Variants in NDRG2 observed in about 807,000 individuals in gnomAD.
NDRG2 encodes protein NDRG2.
A neutral mutation model predicts 58.2 loss-of-function variants in NDRG2; 34 were observed. The ratio of observed to expected loss-of-function variants is 0.58; its 90% CI spans 0.44 to 0.78. The LOEUF is 0.78. Ranked by LOEUF, NDRG2 falls within the 30% of genes least tolerant of loss-of-function variation. The pLI is 0.00. For missense variants in NDRG2, 434 were observed against 471.2 expected, an observed-to-expected ratio of 0.92 and a Z score of 0.73; for synonymous variants, 187 against 175.9, an observed-to-expected ratio of 1.06 and a Z score of -0.50.
At chr14:21,023,163 C>G (rs1243450) in intron 2 of NDRG2, 78 bp downstream of exon 2, 149,178 of 1,222,966 alleles carry the variant, frequency 0.12, 12,533 homozygotes, top group East Asian at 0.43. Context: ...AAGATCAGTA[C>G]GCTTGGGAAG....
intron 1 of NDRG2, among the ~76,000 whole-genome samples, chr14:21,031,619 A>G (rs903545477): frequency 1.3e-5 from 2 of 152,132 alleles, no homozygotes; most frequent in African/African-American, 2.4e-5. Flanking sequence ...GCAGCAGCCT[A>G]GTCAGAATAA....
At position 21,017,464 on chromosome 14, in the gene NDRG2, G is replaced by T; in HGVS notation, c.*132C>A. The T allele has an allele frequency of 2.9e-6, 3 of 1,027,290 alleles. No homozygotes were observed. Among genetic ancestry groups the T allele is most frequent in the South Asian group, 1.7e-5 (1 of 59,434 alleles). The allele number at this position is 1,027,290 out of a possible 1,614,324, so 63.6% of individuals were successfully genotyped here. On this transcript the variant is annotated 3_prime_UTR_variant, in exon 16 of 16. Coordinates refer to ENST00000556147, the MANE Select transcript of NDRG2 (RefSeq NM_001320329.2). Reference sequence around the variant, plus strand: ...GGTCAAGGTTAGGGTAGCAATCAAAGATCAAGGTCATCTCCCCGCATGATC... The same window carrying T: ...GGTCAAGGTTAGGGTAGCAATCAAATATCAAGGTCATCTCCCCGCATGATC...
At chr14:21,045,008 G>C (rs1885082867) in intron 1 of NDRG2, among the ~76,000 whole-genome samples, 1 of 152,202 alleles carries the variant, frequency 6.6e-6, no homozygotes, top group Non-Finnish European at 1.5e-5. Flanking sequence ...TGCCAAATAG[G>C]ATTCCAGGTA....
intron 1 of NDRG2, chr14:21,030,926 G>T: frequency 6.5e-7 from 1 of 1,539,122 alleles, no homozygotes; most frequent in Non-Finnish European, 8.8e-7. Flanking sequence ...GACAAAAGAG[G>T]CCAAATCTGA....
chr14:21,056,689 C>T (rs1248019564), intron 1 of NDRG2, among the ~76,000 whole-genome samples: 1 of 152,248 alleles, frequency 6.6e-6, no homozygotes, highest in Admixed American at 6.5e-5. Flanking sequence ...ATGGGAAACT[C>T]TTTCCTCTTT....
At position 21,022,999 on chromosome 14, in the gene NDRG2, G is replaced by A. The variant is rs1045324337; in HGVS notation, c.76-94C>T. On this transcript the variant is annotated intron_variant, in intron 2 of 15. Transcript: ENST00000556147. Reference sequence around the variant, plus strand: ...AGACAAAGAGAGGCAAGTAAAGACAGACCAACAAATGACCAAAGACAGAAA... The same window carrying A: ...AGACAAAGAGAGGCAAGTAAAGACAAACCAACAAATGACCAAAGACAGAAA... 2.1e-6 allele frequency: 3 copies of A among 1,409,230 alleles called. No homozygotes were observed. The African/African-American group carries it at 4.3e-5, about 20-fold the overall frequency. 87.3% of individuals were successfully genotyped at this position (1,409,230 alleles called of 1,614,324 possible). A position where few individuals can be genotyped will look rare whatever the true frequency, so the allele number is the denominator to read the frequency against.
chr14:21,025,011 G>A lies in NDRG2; in HGVS notation c.-988C>T, dbSNP rs745667281. On this transcript the variant is annotated 5_prime_UTR_variant, in exon 1 of 16. Transcript: ENST00000556147. This position sits in a 1 kb window ranked among gnomAD's most constrained non-coding sequence, Gnocchi z 5.1. ...CGCCTTCCAGGCCCTACGGCCCCTC[G>A]CCTGCCCCTCCCCCTACCTGCTGCC... 898 of 984,610 alleles carry A rather than the reference G, an allele frequency of 9.1e-4. 1 individual carries two copies. Among genetic ancestry groups the A allele is most frequent in the Non-Finnish European group, 1.1e-3 (878 of 830,332 alleles). The allele number at this position is 984,610 out of a possible 1,614,324, so 61.0% of individuals were successfully genotyped here. A position where few individuals can be genotyped will look rare whatever the true frequency, so the allele number is the denominator to read the frequency against.
upstream of NDRG2, among the ~76,000 whole-genome samples, chr14:21,027,889 T>A (rs1186382707): frequency 6.6e-6 from 1 of 152,220 alleles, no homozygotes; most frequent in Non-Finnish European, 1.5e-5. Context: ...AGGGGCATTC[T>A]ATCCAGGCAC....
intron 1 of NDRG2, chr14:21,057,857 C>T: frequency 6.3e-7 from 1 of 1,575,084 alleles, no homozygotes. Flanking sequence ...CATCCACCTA[C>T]CTCCTCACTC....
rs142219277 is a variant in NDRG2 at position 21,066,117 on chromosome 14, A to C, written c.24+4711T>G. Among the ~76,000 whole-genome samples, 1,419 of 152,182 alleles carry C rather than the reference A, an allele frequency of 9.3e-3. 89 individuals are homozygous for C. Among genetic ancestry groups the C allele is most frequent in the Admixed American group, 0.085 (1,291 of 15,266 alleles). On this transcript the variant is annotated intron_variant, in intron 1 of 14. Coordinates refer to the NDRG2 transcript ENST00000403829. ...TTTTTTCAACAATAACAACAACAAC[A>C]ACAAAAACCTGAAAAGCTGAAAGAA...
intron 8 of NDRG2, chr14:21,020,293 C>CAAAA (rs11325826): frequency 5.4e-5 from 21 of 389,760 alleles, no homozygotes; most frequent in East Asian, 1.2e-4. Context: ...GACACCATCT[C>CAAAA]AAAAAAAAAA....
intron 1 of NDRG2, chr14:21,032,051 G>A (rs1391504735): frequency 1.2e-6 from 2 of 1,613,990 alleles, no homozygotes; most frequent in South Asian, 2.2e-5. Context: ...CAAGGGTTCT[G>A]GCACCTACGA....
chr14:21,034,276 C>T, intron 1 of NDRG2: 6 of 1,610,270 alleles, frequency 3.7e-6, no homozygotes, highest in Non-Finnish European at 4.2e-6. Flanking sequence ...AGCCGGGTCA[C>T]AGCTGGTGCC....
At chr14:21,055,727 C>T (rs1885646211) in intron 1 of NDRG2, among the ~76,000 whole-genome samples, 1 of 152,190 alleles carries the variant, frequency 6.6e-6, no homozygotes, top group Non-Finnish European at 1.5e-5. Context: ...ACCATCCCCA[C>T]CCTCTCATTT....
At chr14:21,066,694 G>A (rs1886287518) in intron 1 of NDRG2, among the ~76,000 whole-genome samples, 1 of 152,220 alleles carries the variant, frequency 6.6e-6, no homozygotes, top group East Asian at 1.9e-4. Context: ...TTATCAGAAG[G>A]TAAGAGTGGA....
chr14:21,037,972 T>G (rs1023436832), intron 1 of NDRG2, among the ~76,000 whole-genome samples: 7 of 152,212 alleles, frequency 4.6e-5, no homozygotes, highest in Non-Finnish European at 1.0e-4. Context: ...CCCAAAATTT[T>G]GCTCTGAGTG....
At chr14:21,018,927 G>C in intron 11 of NDRG2, 113 bp from the exon 12 acceptor site, 1 of 1,401,072 alleles carries the variant, frequency 7.1e-7, no homozygotes, top group Non-Finnish European at 9.9e-7. Flanking sequence ...AGACACTTCT[G>C]TGTCTCCCTG....
chr14:21,070,346 GC>G lies in NDRG2; in HGVS notation c.24+481del. 7.1e-7 allele frequency: 1 copy of G among 1,401,024 alleles called. No homozygotes were observed. Among genetic ancestry groups the G allele is most frequent in the Non-Finnish European group, 9.2e-7 (1 of 1,082,482 alleles). 86.8% of individuals were successfully genotyped at this position (1,401,024 alleles called of 1,614,324 possible). The stretch of plus-strand genomic sequence containing the variant: ...AGCGGCGGGAGGGAGGCGGTGGCGC[GC>G]CCGGCCCCGCCCGCCCGACCAAGCG... On this transcript the variant is annotated intron_variant, in intron 1 of 14. Coordinates refer to the NDRG2 transcript ENST00000403829. The surrounding 1 kb of genome is among the most constrained non-coding windows in gnomAD (Gnocchi z 4.7).
At chr14:21,062,441 G>T (rs932723295) in intron 1 of NDRG2, among the ~76,000 whole-genome samples, 3 of 152,166 alleles carry the variant, frequency 2.0e-5, no homozygotes, top group South Asian at 2.1e-4. Context: ...GCACTGTGCT[G>T]CCTTCAGTTG....
Sources: gnomAD v4.1 joint callset for allele counts (sites outside exome capture counted in the v4.1 genomes callset) on GRCh38, gnomAD v4.1.1 for gene constraint, Gnocchi (gnomAD v3.1) non-coding constraint, MANE v1.5 for transcripts, NCBI Gene and HGNC (gene_info 2026-07-23, HGNC 2026-07-21) for gene names.